Variants in ERC2 observed in about 807,000 individuals in gnomAD.
ERC2 encodes ELKS/RAB6-interacting/CAST family member 2.
ERC2 carries 42 observed loss-of-function variants against 114.8 expected under a neutral mutation model. That is an observed-to-expected ratio of 0.37 (90% CI 0.29 to 0.47). The LOEUF (loss-of-function observed/expected upper bound fraction) is 0.47, where lower values mean the gene tolerates loss of function less well. Ranked by LOEUF, ERC2 falls within the 20% of genes least tolerant of loss-of-function variation. The pLI, the probability that ERC2 is intolerant of heterozygous loss-of-function variation, is 0.99. For synonymous variants in ERC2, 454 were observed against 425.5 expected, an observed-to-expected ratio of 1.07 and a Z score of -0.82; for missense variants, 939 against 1,150.7, an observed-to-expected ratio of 0.82 and a Z score of 2.66.
At chr3:55,763,633 A>C (rs544161112) in intron 14 of ERC2, among the ~76,000 whole-genome samples, 5 of 152,350 alleles carry the variant, frequency 3.3e-5, no homozygotes, top group Admixed American at 6.5e-5. Flanking sequence ...AGCACATAGA[A>C]GTTATTCAGT....
chr3:55,637,533 G>T (rs892371507), intron 17 of ERC2, among the ~76,000 whole-genome samples: 3 of 152,126 alleles, frequency 2.0e-5, no homozygotes, highest in African/African-American at 7.2e-5. Context: ...GCTGACCGGG[G>T]TCTCCTCAAC....
At chr3:55,599,360 A>G (rs1448587088) in intron 17 of ERC2, among the ~76,000 whole-genome samples, 1 of 152,226 alleles carries the variant, frequency 6.6e-6, no homozygotes, top group Non-Finnish European at 1.5e-5. Flanking sequence ...CTGATGATCG[A>G]CAGCTACTAG....
chr3:55,806,343 CAAAGAAGAAA>C (rs2059492155), intron 14 of ERC2, among the ~76,000 whole-genome samples: 4 of 142,340 alleles, frequency 2.8e-5, no homozygotes, highest in African/African-American at 1.0e-4. Flanking sequence ...AAAAAAAAAG[CAAAGAAGAAA>C]AAAGAAGGAA....
intron 2 of ERC2, among the ~76,000 whole-genome samples, chr3:56,405,066 C>A (rs1195034953): frequency 6.6e-6 from 1 of 151,960 alleles, no homozygotes; most frequent in Non-Finnish European, 1.5e-5. Context: ...TTGACTTTGG[C>A]CAAAGTAAAG....
intron 14 of ERC2, among the ~76,000 whole-genome samples, chr3:55,888,154 C>A (rs1470949800): frequency 6.6e-6 from 1 of 152,192 alleles, no homozygotes; most frequent in Non-Finnish European, 1.5e-5. Flanking sequence ...CACAGACACC[C>A]AAAATCTAGT....
intron 12 of ERC2, among the ~76,000 whole-genome samples, chr3:55,977,943 G>T (rs940486542): frequency 6.6e-6 from 1 of 152,090 alleles, no homozygotes; most frequent in Non-Finnish European, 1.5e-5. Context: ...AAAAAGCCAA[G>T]GTGTAGAACA....
intron 17 of ERC2, among the ~76,000 whole-genome samples, chr3:55,544,058 G>A (rs1168272069): frequency 6.6e-6 from 1 of 152,220 alleles, no homozygotes; most frequent in East Asian, 1.9e-4. Flanking sequence ...GGGCAGGGCA[G>A]CATGGGACTA....
intron 7 of ERC2, among the ~76,000 whole-genome samples, chr3:56,048,881 C>A (rs1291970489): frequency 6.6e-6 from 1 of 152,112 alleles, no homozygotes; most frequent in African/African-American, 2.4e-5. Context: ...TAAACCAGTT[C>A]AGGGAACAGT....
At chr3:55,660,959 GA>G (rs1045205375) in intron 17 of ERC2, among the ~76,000 whole-genome samples, 42 of 152,318 alleles carry the variant, frequency 2.8e-4, no homozygotes, top group African/African-American at 9.9e-4. Context: ...TAAGCACCTA[GA>G]AAATGCAAGC....
chr3:55,940,600 C>T (rs142944099), intron 13 of ERC2, among the ~76,000 whole-genome samples: 2 of 152,266 alleles, frequency 1.3e-5, no homozygotes, highest in East Asian at 3.9e-4. Flanking sequence ...GGGAGGACAT[C>T]TTTAGTCAGA....
intron 17 of ERC2, among the ~76,000 whole-genome samples, chr3:55,682,447 C>T (rs1374336457): frequency 1.3e-5 from 2 of 151,998 alleles, no homozygotes; most frequent in Non-Finnish European, 2.9e-5. Context: ...GATGTCGTAC[C>T]TGAAAACCAC....
At chr3:55,777,800 T>C (rs1442531728) in intron 14 of ERC2, among the ~76,000 whole-genome samples, 1 of 152,226 alleles carries the variant, frequency 6.6e-6, no homozygotes, top group Non-Finnish European at 1.5e-5. Flanking sequence ...TTTACACTTG[T>C]GTGGCTCTCT....
At chr3:55,696,860 T>C (rs1243044054) in intron 16 of ERC2, among the ~76,000 whole-genome samples, 1 of 152,194 alleles carries the variant, frequency 6.6e-6, no homozygotes, top group Non-Finnish European at 1.5e-5. Context: ...CTAGGGTTCC[T>C]TGCTTAATCT....
chr3:55,761,523 GCAGCCATGA>G (rs1559613172), intron 14 of ERC2, among the ~76,000 whole-genome samples: 3 of 152,210 alleles, frequency 2.0e-5, no homozygotes, highest in Non-Finnish European at 4.4e-5. Flanking sequence ...TAGCGTGAAA[GCAGCCATGA>G]CAGCACATAA....
At chr3:56,428,457 G>T (rs1171730482) in intron 2 of ERC2, among the ~76,000 whole-genome samples, 1 of 148,374 alleles carries the variant, frequency 6.7e-6, no homozygotes, top group Non-Finnish European at 1.5e-5. Flanking sequence ...GGAGGTAGAG[G>T]TTGCAGTGAA....
intron 2 of ERC2, among the ~76,000 whole-genome samples, chr3:56,387,082 A>G (rs2059959362): frequency 6.6e-6 from 1 of 152,212 alleles, no homozygotes; most frequent in South Asian, 2.1e-4. Flanking sequence ...GCTATAGTGA[A>G]ATAGCATCTA....
At chr3:55,792,868 T>A (rs2070160191) in intron 14 of ERC2, among the ~76,000 whole-genome samples, 1 of 151,894 alleles carries the variant, frequency 6.6e-6, no homozygotes, top group African/African-American at 2.4e-5. Flanking sequence ...GGGTGTAGAG[T>A]ACAGTGTCAT....
intron 2 of ERC2, among the ~76,000 whole-genome samples, chr3:56,394,825 A>T (rs1323169003): frequency 1.3e-5 from 2 of 152,214 alleles, no homozygotes; most frequent in Admixed American, 6.5e-5. Context: ...AAAAGGTTAA[A>T]CATAAATTTA....
intron 14 of ERC2, among the ~76,000 whole-genome samples, chr3:55,835,378 G>T (rs1050675474): frequency 8.5e-5 from 13 of 152,274 alleles, no homozygotes; most frequent in African/African-American, 2.9e-4. Context: ...ACTGAATCCA[G>T]CAACACATCA....
Sources: allele counts gnomAD v4.1 joint callset (sites outside exome capture counted in the v4.1 genomes callset), GRCh38; gene constraint gnomAD v4.1.1; transcripts MANE v1.5; gene names NCBI Gene and HGNC (gene_info 2026-07-23, HGNC 2026-07-21).